Variants in IFIT3 observed in about 807,000 individuals in gnomAD.
IFIT3 encodes interferon-induced protein with tetratricopeptide repeats 3.
IFIT3 carries 2 observed loss-of-function variants against 2.4 expected under a neutral mutation model. That is an observed-to-expected ratio of 0.82 (90% confidence interval 0.34 to 2.60). The LOEUF (loss-of-function observed/expected upper bound fraction) is 2.60, where lower values mean the gene tolerates loss of function less well. Among genes scored for constraint, IFIT3 ranks in the 30% most tolerant of loss-of-function variants. The pLI is 0.11. For missense variants in IFIT3, 481 were observed against 562.4 expected (o/e 0.86, Z 1.46); for synonymous variants, 203 against 212.1 (o/e 0.96, Z 0.37).
chr10:89,338,786 T>A lies in IFIT3; in HGVS notation c.131T>A (p.Phe44Tyr). The A allele has an allele frequency of 1.2e-6, 2 of 1,614,096 alleles. No homozygotes were observed. Among genetic ancestry groups the A allele is most frequent in the Non-Finnish European group, 1.7e-6 (2 of 1,179,984 alleles). ...LEDRVCNQIE[F>Y]LNTEFKATMY... Reference sequence around the variant, plus strand: ...GATAGAGTGTGTAACCAGATTGAATTTTTAAACACTGAGTTCAAAGCTACA... The same window carrying A: ...GATAGAGTGTGTAACCAGATTGAATATTTAAACACTGAGTTCAAAGCTACA... The change falls in exon 2 of 2, where the codon TTT becomes TAT. Residue 44 changes from phenylalanine to tyrosine, a missense_variant. Phe to Tyr is a conservative substitution (Grantham distance 22, BLOSUM62 3). Coordinates refer to ENST00000371818, the MANE Select transcript of IFIT3 (RefSeq NM_001549.6).
At chr10:89,331,644 A>G (rs549533197) in intron 1 of IFIT3, among the ~76,000 whole-genome samples, 4 of 151,906 alleles carry the variant, frequency 2.6e-5, no homozygotes, top group African/African-American at 9.7e-5. Context: ...CAGATGCTTG[A>G]GCTCAGGAGT....
chr10:89,331,159 T>C (rs1034268512), intron 1 of IFIT3, among the ~76,000 whole-genome samples: 3 of 151,892 alleles, frequency 2.0e-5, no homozygotes, highest in African/African-American at 7.3e-5. Context: ...TCTCTTGTTG[T>C]TGTTGTTTTT....
At chr10:89,334,107 C>A (rs959167611) in intron 1 of IFIT3, among the ~76,000 whole-genome samples, 1 of 152,170 alleles carries the variant, frequency 6.6e-6, no homozygotes, top group African/African-American at 2.4e-5. Context: ...CCCACTCTTA[C>A]CACTTCAAGA....
At chr10:89,329,064 G>A (rs1295578115) in intron 1 of IFIT3, among the ~76,000 whole-genome samples, 1 of 152,138 alleles carries the variant, frequency 6.6e-6, no homozygotes, top group Non-Finnish European at 1.5e-5. Flanking sequence ...TCAGGGGATA[G>A]CATGTTAGGG....
intron 1 of IFIT3, among the ~76,000 whole-genome samples, chr10:89,333,053 G>A (rs975073213): frequency 2.0e-5 from 3 of 152,230 alleles, no homozygotes; most frequent in African/African-American, 7.2e-5. Flanking sequence ...CTCAGCAAAT[G>A]TGTCAATAAT....
intron 1 of IFIT3, 152 bp downstream of exon 1, chr10:89,328,230 GT>G: frequency 3.6e-6 from 3 of 832,164 alleles, no homozygotes; most frequent in Non-Finnish European, 3.8e-6. Context: ...TGTTTGAGGG[GT>G]TTTTCCCTGT....
At chr10:89,332,585 G>A (rs1843666021) in intron 1 of IFIT3, 3 of 1,613,958 alleles carry the variant, frequency 1.9e-6, no homozygotes, top group Non-Finnish European at 2.5e-6. Context: ...AAATCAACCG[G>A]GACCCCAGCT....
At chr10:89,334,396 C>A (rs552847824) in intron 1 of IFIT3, among the ~76,000 whole-genome samples, 50 of 150,982 alleles carry the variant, frequency 3.3e-4, no homozygotes, top group South Asian at 1.0e-3. Context: ...CTACTAGATG[C>A]AGATCCAGGT....
intron 1 of IFIT3, among the ~76,000 whole-genome samples, chr10:89,331,231 G>A (rs958487976): frequency 6.6e-6 from 1 of 152,156 alleles, no homozygotes; most frequent in African/African-American, 2.4e-5. Context: ...GGAGTGCAGT[G>A]GCCCGATCAT....
At position 89,339,617 on chromosome 10, in the gene IFIT3, C is replaced by A. The variant is rs757042245; in HGVS notation, c.962C>A (p.Ala321Asp). 3.7e-6 allele frequency: 6 copies of A among 1,614,180 alleles called. No individual in the cohort carries two copies. The Admixed American group carries it at 1.0e-4, about 27-fold the overall frequency. The change falls in exon 2 of 2, where the codon GCT (alanine) becomes GAT (aspartate). Residue 321 changes from alanine to aspartate, a missense_variant. Coordinates refer to ENST00000371818, the MANE Select transcript of IFIT3 (RefSeq NM_001549.6). ...KQYAMDYSNK[A>D]LEKGLNPLNA... is the part of the protein sequence containing the mutation. ...TATGCTATGGACTATTCGAATAAAG[C>A]TCTTGAGAAGGGACTGAATCCTCTG...
In IFIT3 at chr10:89,340,325, G is replaced by C. The variant is rs531694737; in HGVS notation, c.*197G>C. The C allele has an allele frequency of 8.4e-6, 4 of 477,228 alleles. No individual in the cohort carries two copies. The highest frequency in any genetic ancestry group is 5.5e-4 in the Middle Eastern group (1 of 1,834). 29.6% of individuals were successfully genotyped at this position (477,228 alleles called of 1,614,324 possible). A position where few individuals can be genotyped will look rare whatever the true frequency, so the allele number is the denominator to read the frequency against. On this transcript the variant is annotated 3_prime_UTR_variant, in exon 2 of 2. Transcript: ENST00000371818. ...TGTAATCCCAGCACTTTGGGAGGCCGAGGTGGGCGGATCACGAGGTCTGGA... is the reference window on the plus strand; with the variant it reads ...TGTAATCCCAGCACTTTGGGAGGCCCAGGTGGGCGGATCACGAGGTCTGGA...
intron 1 of IFIT3, among the ~76,000 whole-genome samples, chr10:89,332,864 G>C (rs1261519641): frequency 2.0e-5 from 3 of 152,192 alleles, no homozygotes; most frequent in Non-Finnish European, 1.5e-5. Context: ...GGCATATTGA[G>C]AGATCCTAGA....
At chr10:89,332,345 A>G (rs145159149) in intron 1 of IFIT3, 7 of 610,132 alleles carry the variant, frequency 1.1e-5, no homozygotes, top group East Asian at 9.4e-5. Context: ...TTCTTTTTAC[A>G]GTGCCTTTTT....
chr10:89,340,268 T>C lies in IFIT3; in HGVS notation c.*140T>C. On this transcript the variant is annotated 3_prime_UTR_variant, in exon 2 of 2. Transcript: ENST00000371818. ...TGCTCTAAGGTACATTTTTAAAGAG[T>C]TGTTTTTTGGCCGGGCGCAGTGGCT... The C allele has an allele frequency of 3.2e-6, 3 of 943,146 alleles. No individual in the cohort carries two copies. The highest frequency in any genetic ancestry group is 5.4e-5 in the East Asian group (2 of 37,144). 58.4% of individuals were successfully genotyped at this position (943,146 alleles called of 1,614,324 possible).
chr10:89,340,117 C>A lies in IFIT3; in HGVS notation c.1462C>A (p.Gln488Lys). 6.3e-7 allele frequency: 1 copy of A among 1,593,782 alleles called. No individual in the cohort carries two copies. The highest frequency in any genetic ancestry group is 8.6e-7 in the Non-Finnish European group (1 of 1,168,924). Residue 488 changes from glutamine (Q) to lysine (K), a missense_variant, in exon 2 of 2, where the codon CAA becomes AAA. Coordinates refer to ENST00000371818, the MANE Select transcript of IFIT3 (RefSeq NM_001549.6). Reference protein sequence around the residue: ...SPRELLSNSEQLN With the variant: ...SPRELLSNSEKLN ...CAGAGAGCTCCTCTCTAACTCAGAG[C>A]AACTGAACTGAGACAGAGGAGGAAA...
rs754020242 is a variant in IFIT3 at position 89,339,288 on chromosome 10, T to C, written c.633T>C (p.Val211=). 3.5e-5 allele frequency: 56 copies of C among 1,613,998 alleles called. No individual in the cohort carries two copies. Among genetic ancestry groups the C allele is most frequent in the Non-Finnish European group, 4.4e-5 (52 of 1,180,014 alleles). Residue 211 remains valine, a synonymous_variant, in exon 2 of 2, where the codon GTT becomes GTC. Transcript: ENST00000371818. ...ELSPDNQYVK[V]LLGLKLQKMN... is the part of the protein sequence containing the mutation. The stretch of plus-strand genomic sequence containing the variant: ...GTCCTGATAACCAATACGTCAAGGT[T>C]CTCTTGGGCCTGAAACTGCAGAAGA...
rs753354892 is a variant in IFIT3 at position 89,332,615 on chromosome 10, C to T, written c.5+4537C>T. On this transcript the variant is annotated intron_variant, in intron 1 of 1. Transcript: ENST00000371818. ...CCAGCTTTTCAGAACTGCAGGGAAACAGCCATCATGAGGTAAATAGTCCCT... is the reference window on the plus strand; with the variant it reads ...CCAGCTTTTCAGAACTGCAGGGAAATAGCCATCATGAGGTAAATAGTCCCT... The T allele has an allele frequency of 3.1e-6, 5 of 1,614,002 alleles. No individual in the cohort carries two copies. The South Asian group carries it at 3.3e-5, about 11-fold the overall frequency.
At chr10:89,336,214 G>C (rs1184619468) in intron 1 of IFIT3, among the ~76,000 whole-genome samples, 1 of 151,554 alleles carries the variant, frequency 6.6e-6, no homozygotes, top group African/African-American at 2.4e-5. Context: ...AAATAGGGAG[G>C]GAGGAAGAGA....
rs1843798396 is a variant in IFIT3, at chr10:89,339,013, G to A, written c.358G>A (p.Val120Met). The A allele has an allele frequency of 1.7e-5, 27 of 1,614,146 alleles. No homozygotes were observed. The East Asian group carries it at 6.0e-4, about 36-fold the overall frequency. The change falls in exon 2 of 2, where the codon GTG (valine) becomes ATG (methionine). Residue 120 changes from valine (V) to methionine (M), a missense_variant. Physicochemically the swap from Val to Met is conservative, Grantham distance 21 (BLOSUM62 1). Coordinates refer to ENST00000371818, the MANE Select transcript of IFIT3 (RefSeq NM_001549.6). ...AGATGCTCAGATTTATGTAGATAAG[G>A]TGAAACAAACCTGCAAGAAATTTTC... ...LSDAQIYVDK[V>M]KQTCKKFSNP... is the part of the protein sequence containing the mutation.
Sources: allele counts gnomAD v4.1 joint callset (sites outside exome capture counted in the v4.1 genomes callset), GRCh38; gene constraint gnomAD v4.1.1; transcripts MANE v1.5; gene names NCBI Gene and HGNC (gene_info 2026-07-23, HGNC 2026-07-21).